The following SLMAP variants were observed in gnomAD, a reference collection of about 807,000 sequenced individuals.
SLMAP encodes the protein sarcolemma associated protein, also known as sarcolemmal membrane-associated protein.
Under a neutral mutation model 128.8 loss-of-function variants are expected in SLMAP, and 44 were observed. That is an observed-to-expected ratio of 0.34 (90% CI 0.27 to 0.44). SLMAP has a LOEUF of 0.44. Ranked by LOEUF, SLMAP falls within the 20% of genes least tolerant of loss-of-function variation. The pLI, the probability that SLMAP is intolerant of heterozygous loss-of-function variation, is 1.00. For synonymous variants in SLMAP, 327 were observed against 348.8 expected (o/e 0.94, Z 0.70); for missense variants, 787 against 985.3 (o/e 0.80, Z 2.69).
chr3:57,762,677 A>G lies in SLMAP; in HGVS notation c.198+4828A>G, dbSNP rs553120181. Among the ~76,000 whole-genome samples, 9 of 149,756 alleles carry G rather than the reference A, an allele frequency of 6.0e-5. No individual in the cohort carries two copies. The East Asian group carries it at 1.4e-3, about 23-fold the overall frequency. ...TATCCTTCATCCTTTTCGGAAGTCA[A>G]GCTCTTCAAATTAGATGGCAGATAG... On this transcript the variant is annotated intron_variant, in intron 2 of 24. Coordinates refer to ENST00000671191, the MANE Select transcript of SLMAP (RefSeq NM_001377540.1).
intron 6 of SLMAP, among the ~76,000 whole-genome samples, chr3:57,852,583 G>A (rs1174115020): frequency 6.6e-6 from 1 of 152,194 alleles, no homozygotes; most frequent in African/African-American, 2.4e-5. Context: ...CTGGCACATA[G>A]AATGTATGCC....
chr3:57,908,011 G>A lies in SLMAP; in HGVS notation c.1624+5G>A. The A allele has an allele frequency of 6.2e-7, 1 of 1,613,224 alleles. No homozygotes were observed. The highest frequency in any genetic ancestry group is 8.5e-7 in the Non-Finnish European group (1 of 1,179,502). ...AAAAATGCTTTGAACTTCAAGGTGA[G>A]ATCAAGATTACTTTGGTTCTTTAGG... On this transcript the variant is annotated splice_donor_5th_base_variant and intron_variant, in intron 18 of 24. Transcript: ENST00000671191.
intron 17 of SLMAP, among the ~76,000 whole-genome samples, chr3:57,902,550 T>C (rs1576021605): frequency 6.6e-6 from 1 of 152,290 alleles, no homozygotes; most frequent in Admixed American, 6.5e-5. Context: ...GGTAAGGCAG[T>C]CAAGAGGCTT....
chr3:57,895,428 C>T (rs1392263061), intron 15 of SLMAP, among the ~76,000 whole-genome samples: 7 of 152,020 alleles, frequency 4.6e-5, no homozygotes, highest in African/African-American at 1.7e-4. Context: ...CTCCACCTCC[C>T]GAGTTCAAGC....
chr3:57,884,031 C>T (rs1157878846), intron 14 of SLMAP, among the ~76,000 whole-genome samples: 4 of 149,290 alleles, frequency 2.7e-5, no homozygotes, highest in Admixed American at 2.0e-4. Context: ...TCGCAGGTAT[C>T]GATCCTCCCA....
At chr3:57,889,868 G>A (rs148158098) in intron 14 of SLMAP, 173 bp from the exon 15 acceptor site, 18 of 509,508 alleles carry the variant, frequency 3.5e-5, no homozygotes, top group East Asian at 5.8e-5. Flanking sequence ...TGATTGCTCC[G>A]TCATAGTTCC....
chr3:57,912,346 A>G (rs2096721028), intron 19 of SLMAP, 35 bp from the exon 20 acceptor site: 1 of 1,567,872 alleles, frequency 6.4e-7, no homozygotes, highest in Admixed American at 1.7e-5. Context: ...CTTTTATTCT[A>G]ATGGGCCAAG....
At chr3:57,829,700 T>A (rs965336450) in intron 2 of SLMAP, among the ~76,000 whole-genome samples, 2 of 152,244 alleles carry the variant, frequency 1.3e-5, no homozygotes, top group East Asian at 3.8e-4. Context: ...TATTTTGAAT[T>A]ATAAACAGAG....
chr3:57,757,900 C>T, intron 2 of SLMAP, 51 bp downstream of exon 2: 3 of 1,544,502 alleles, frequency 1.9e-6, no homozygotes, highest in Non-Finnish European at 2.7e-6. Flanking sequence ...TTTTTTTCCC[C>T]TTTTGCCCTC....
At chr3:57,869,630 TTATATATATATATATA>T (rs55916379) in intron 13 of SLMAP, among the ~76,000 whole-genome samples, 2 of 75,466 alleles carry the variant, frequency 2.7e-5, no homozygotes, top group East Asian at 1.6e-3. Flanking sequence ...CCCATCTCTA[TTATATATATATATATA>T]TATATATATA....
chr3:57,906,300 C>CTTTTTTTTCTTTTTTT (rs2096541411), intron 17 of SLMAP, among the ~76,000 whole-genome samples: 4 of 71,290 alleles, frequency 5.6e-5, no homozygotes, highest in African/African-American at 1.9e-4. Context: ...AAATTTTTTT[C>CTTTTTTTTCTTTTTTT]TTTTTTTTTC....
chr3:57,878,001 AT>A (rs1292713022), intron 14 of SLMAP, among the ~76,000 whole-genome samples: 23 of 147,736 alleles, frequency 1.6e-4, no homozygotes, highest in African/African-American at 4.2e-4. Context: ...TACCCGGCTA[AT>A]TTTTTTTTTA....
intron 2 of SLMAP, among the ~76,000 whole-genome samples, chr3:57,798,908 C>T (rs1004782505): frequency 6.6e-6 from 1 of 152,154 alleles, no homozygotes; most frequent in African/African-American, 2.4e-5. Context: ...GAGCAAGTCA[C>T]TCTAGAGTAC....
chr3:57,775,786 G>C lies in SLMAP; in HGVS notation c.198+17937G>C, dbSNP rs1351493835. Among the ~76,000 whole-genome samples the C allele has an allele frequency of 1.3e-5, 2 of 152,146 alleles. 1 individual carries two copies. Among genetic ancestry groups the C allele is most frequent in the South Asian group, 4.1e-4 (2 of 4,826 alleles). On this transcript the variant is annotated intron_variant, in intron 2 of 24. Coordinates refer to ENST00000671191, the MANE Select transcript of SLMAP (RefSeq NM_001377540.1). ...GCAGTCTTGGCTCACTGCAACCTCT[G>C]CCTCCCGGGTTCAAGTGATCTATTG...
chr3:57,798,905 T>C (rs2087462021), intron 2 of SLMAP, among the ~76,000 whole-genome samples: 1 of 152,204 alleles, frequency 6.6e-6, no homozygotes, highest in Admixed American at 6.5e-5. Context: ...GGTGAGCAAG[T>C]CACTCTAGAG....
chr3:57,889,367 A>T (rs189059239), intron 14 of SLMAP, among the ~76,000 whole-genome samples: 1 of 152,346 alleles, frequency 6.6e-6, no homozygotes, highest in East Asian at 1.9e-4. Context: ...AAGCAAGAGA[A>T]TAGAAAATTT....
chr3:57,768,808 C>T (rs753299143), intron 2 of SLMAP, among the ~76,000 whole-genome samples: 11 of 151,818 alleles, frequency 7.2e-5, no homozygotes, highest in Admixed American at 3.9e-4. Flanking sequence ...CAGTCGAAGG[C>T]CTTAAAAAAA....
At position 57,913,247 on chromosome 3, in the gene SLMAP, C is replaced by A. The variant is rs2096736595; in HGVS notation, c.2110C>A (p.Leu704Met). The A allele has an allele frequency of 1.3e-6, 2 of 1,572,848 alleles. No individual in the cohort carries two copies. Among genetic ancestry groups the A allele is most frequent in the Non-Finnish European group, 1.7e-6 (2 of 1,149,108 alleles). ...KRENVLLSSELQRQEKELHNS... is the reference protein window; with the variant it reads ...KRENVLLSSEMQRQEKELHNS... ...GGAAAATGTTTTGCTATCATCAGAACTGCAACGGCAAGAAAAAGAATTGCA... is the reference window on the plus strand; with the variant it reads ...GGAAAATGTTTTGCTATCATCAGAAATGCAACGGCAAGAAAAAGAATTGCA... Residue 704 changes from leucine (L) to methionine (M), a missense_variant, in exon 21 of 25, where the codon CTG becomes ATG. By Grantham distance (15) the Leu-to-Met change is conservative. Transcript: ENST00000671191.
intron 18 of SLMAP, among the ~76,000 whole-genome samples, chr3:57,908,395 G>A (rs1307236646): frequency 2.6e-5 from 4 of 152,220 alleles, no homozygotes; most frequent in African/African-American, 7.2e-5. Flanking sequence ...AGTGGAGTCT[G>A]TGCAGTTCCC....
Sources: allele counts gnomAD v4.1 joint callset (sites outside exome capture counted in the v4.1 genomes callset), GRCh38; gene constraint gnomAD v4.1.1; transcripts MANE v1.5; gene names NCBI Gene and HGNC (gene_info 2026-07-23, HGNC 2026-07-21).